The following PTPRZ1 variants were observed in gnomAD, a reference collection of about 807,000 sequenced individuals.
The protein encoded by PTPRZ1 is protein tyrosine phosphatase receptor type Z1.
PTPRZ1 carries 82 observed loss-of-function variants against 214.1 expected under a neutral mutation model. That is an observed-to-expected ratio of 0.38 (90% CI 0.32 to 0.46). The LOEUF (loss-of-function observed/expected upper bound fraction) is 0.46. Ranked by LOEUF, PTPRZ1 falls within the 20% of genes least tolerant of loss-of-function variation. PTPRZ1 has a pLI of 1.00. For synonymous variants in PTPRZ1, 945 were observed against 987.9 expected (o/e 0.96, Z 0.81); for missense variants, 2,603 against 2,748.7 (o/e 0.95, Z 1.19).
intron 4 of PTPRZ1, among the ~76,000 whole-genome samples, chr7:121,973,648 G>A (rs1209703377): frequency 6.6e-6 from 1 of 152,050 alleles, no homozygotes; most frequent in Non-Finnish European, 1.5e-5. Flanking sequence ...AAAAGTAATT[G>A]AGGAGCCAGG....
chr7:121,893,458 G>A (rs1016389032), intron 1 of PTPRZ1, among the ~76,000 whole-genome samples: 3 of 152,172 alleles, frequency 2.0e-5, no homozygotes, highest in African/African-American at 7.2e-5. Flanking sequence ...TCACAATCCT[G>A]TCAGTATTCT....
At chr7:121,937,207 T>C (rs960427221) in intron 2 of PTPRZ1, among the ~76,000 whole-genome samples, 3 of 152,186 alleles carry the variant, frequency 2.0e-5, no homozygotes, top group African/African-American at 7.2e-5. Flanking sequence ...AGAGGGAAAC[T>C]TGAACCCTAT....
At chr7:121,931,932 G>C (rs766554324) in intron 2 of PTPRZ1, among the ~76,000 whole-genome samples, 24 of 152,146 alleles carry the variant, frequency 1.6e-4, no homozygotes, top group Non-Finnish European at 2.9e-4. Flanking sequence ...TTGTTGTAGG[G>C]GGGTGGGGTG....
chr7:121,934,661 T>C (rs1796021462), intron 2 of PTPRZ1, among the ~76,000 whole-genome samples: 1 of 152,174 alleles, frequency 6.6e-6, no homozygotes, highest in Non-Finnish European at 1.5e-5. Flanking sequence ...TTGAACAGTG[T>C]CTTAACTTGA....
In PTPRZ1 at chr7:121,996,396, C is replaced by T; in HGVS notation, c.943C>T (p.Pro315Ser). ...TCTCTCTGAAGTTTGTAGTTCAGAACCAGAAAATGTTCAGGCTGACCCAGA... is the reference window on the plus strand; with the variant it reads ...TCTCTCTGAAGTTTGTAGTTCAGAATCAGAAAATGTTCAGGCTGACCCAGA... ...EIHEAVCSSE[P>S]ENVQADPENY... The change falls in exon 9 of 30, where the codon CCA (proline) becomes TCA (serine). Residue 315 changes from proline (P) to serine (S), a missense_variant. By Grantham distance (74) the Pro-to-Ser change is moderately conservative (BLOSUM62 -1). Transcript: ENST00000393386. 6.2e-7 allele frequency: 1 copy of T among 1,603,084 alleles called. No homozygotes were observed. Among genetic ancestry groups the T allele is most frequent in the Non-Finnish European group, 8.5e-7 (1 of 1,174,128 alleles).
At chr7:121,974,424 A>G (rs2116536015) in intron 4 of PTPRZ1, among the ~76,000 whole-genome samples, 1 of 152,132 alleles carries the variant, frequency 6.6e-6, no homozygotes, top group East Asian at 1.9e-4. Context: ...CACTAAACCT[A>G]ATACAATTAT....
At chr7:121,877,232 CAG>C (rs1172829586) in intron 1 of PTPRZ1, among the ~76,000 whole-genome samples, 1 of 152,166 alleles carries the variant, frequency 6.6e-6, no homozygotes, top group East Asian at 1.9e-4. Flanking sequence ...ACAGAGAACT[CAG>C]ATAAGTTGCC....
chr7:121,983,015 G>A (rs1003028963), intron 6 of PTPRZ1, among the ~76,000 whole-genome samples: 1 of 152,136 alleles, frequency 6.6e-6, no homozygotes. Context: ...CTGACTTCGT[G>A]ATCCACCCAC....
At chr7:121,998,235 G>T (rs1798206572) in intron 10 of PTPRZ1, among the ~76,000 whole-genome samples, 1 of 152,092 alleles carries the variant, frequency 6.6e-6, no homozygotes, top group Non-Finnish European at 1.5e-5. Context: ...TTTACCATTT[G>T]TAAAATAAGA....
intron 10 of PTPRZ1, 78 bp downstream of exon 10, chr7:121,998,084 T>G: frequency 6.9e-7 from 1 of 1,446,134 alleles, no homozygotes; most frequent in Non-Finnish European, 9.3e-7. Context: ...TGATGCTTTC[T>G]CTCTATATTC....
intron 2 of PTPRZ1, among the ~76,000 whole-genome samples, chr7:121,950,060 G>C (rs1458580254): frequency 6.6e-6 from 1 of 152,212 alleles, no homozygotes; most frequent in South Asian, 2.1e-4. Context: ...TGGACTTACA[G>C]TTCCACATGG....
intron 8 of PTPRZ1, among the ~76,000 whole-genome samples, chr7:121,986,791 A>G (rs1797773974): frequency 6.6e-6 from 1 of 152,226 alleles, no homozygotes; most frequent in Non-Finnish European, 1.5e-5. Flanking sequence ...GAAGGGACTT[A>G]AATATGCAAT....
chr7:121,881,362 C>T (rs1794233162), intron 1 of PTPRZ1, among the ~76,000 whole-genome samples: 2 of 152,176 alleles, frequency 1.3e-5, no homozygotes, highest in South Asian at 2.1e-4. Context: ...CCCAAGCTGA[C>T]TATGCACCTG....
chr7:122,010,145 G>A (rs543352695), intron 11 of PTPRZ1, among the ~76,000 whole-genome samples, 189 bp from the exon 12 acceptor site: 15 of 152,186 alleles, frequency 9.9e-5, no homozygotes, highest in Admixed American at 2.0e-4. Context: ...TTTTCATTAC[G>A]TTTAATTACT....
intron 2 of PTPRZ1, among the ~76,000 whole-genome samples, chr7:121,939,542 A>G (rs1796182150): frequency 6.6e-6 from 1 of 152,234 alleles, no homozygotes; most frequent in Non-Finnish European, 1.5e-5. Context: ...ATTTATGCAT[A>G]TAACATACTC....
At chr7:121,893,854 T>G (rs61399872) in intron 1 of PTPRZ1, among the ~76,000 whole-genome samples, 4,866 of 152,264 alleles carry the variant, frequency 0.032, 256 homozygotes, top group African/African-American at 0.11. Flanking sequence ...AATTATCTTG[T>G]ATGTATTTTT....
At chr7:121,894,090 G>A (rs972219087) in intron 1 of PTPRZ1, among the ~76,000 whole-genome samples, 4 of 151,988 alleles carry the variant, frequency 2.6e-5, no homozygotes, top group Admixed American at 6.6e-5. Context: ...AAAATTTTTC[G>A]AAGGATAAGT....
chr7:121,877,530 T>C (rs1794098082), intron 1 of PTPRZ1, among the ~76,000 whole-genome samples: 1 of 152,194 alleles, frequency 6.6e-6, no homozygotes, highest in Non-Finnish European at 1.5e-5. Flanking sequence ...CATGTAGCAA[T>C]CACTGTGATC....
chr7:121,960,886 A>T (rs1796854929), intron 2 of PTPRZ1, among the ~76,000 whole-genome samples: 1 of 152,118 alleles, frequency 6.6e-6, no homozygotes, highest in African/African-American at 2.4e-5. Context: ...TAATTGGTCA[A>T]ATATGTATAG....
Sources: gnomAD v4.1 joint callset for allele counts (sites outside exome capture counted in the v4.1 genomes callset) on GRCh38, gnomAD v4.1.1 for gene constraint, MANE v1.5 for transcripts, NCBI Gene and HGNC (gene_info 2026-07-23, HGNC 2026-07-21) for gene names.